Variants in ATG10 observed in about 807,000 individuals in gnomAD.
ATG10 encodes the protein ubiquitin-like-conjugating enzyme ATG10.
In ATG10, 30 loss-of-function variants were observed where a neutral mutation model predicts 32.1. The ratio of observed to expected loss-of-function variants is 0.94; its 90% CI spans 0.70 to 1.27. The LOEUF (loss-of-function observed/expected upper bound fraction) is 1.27, where lower values mean the gene tolerates loss of function less well. Ranked by LOEUF, ATG10 falls within the 50% of genes most tolerant of loss-of-function variation. The pLI is 0.00. For synonymous variants in ATG10, 87 were observed against 91.5 expected, an observed-to-expected ratio of 0.95 and a Z score of 0.28; for missense variants, 233 against 262.3, an observed-to-expected ratio of 0.89 and a Z score of 0.77.
chr5:82,143,627 G>A (rs1767234796), intron 3 of ATG10, among the ~76,000 whole-genome samples: 1 of 152,182 alleles, frequency 6.6e-6, no homozygotes, highest in African/African-American at 2.4e-5. Flanking sequence ...AAGATGAGAG[G>A]CATTATAATA....
intron 2 of ATG10, among the ~76,000 whole-genome samples, chr5:82,044,342 A>G (rs190002050): frequency 2.7e-4 from 41 of 152,230 alleles, no homozygotes; most frequent in African/African-American, 9.9e-4. Flanking sequence ...TTTACCTCCC[A>G]CCAGGCCCCT....
chr5:82,060,644 A>G (rs1055490280), intron 3 of ATG10, among the ~76,000 whole-genome samples: 2 of 152,192 alleles, frequency 1.3e-5, no homozygotes, highest in African/African-American at 2.4e-5. Context: ...CAGGCGGATC[A>G]CCTGAGCTTA....
chr5:82,146,941 T>C (rs1009408090), intron 3 of ATG10, among the ~76,000 whole-genome samples: 4 of 152,206 alleles, frequency 2.6e-5, no homozygotes, highest in Non-Finnish European at 1.5e-5. Context: ...CCTCAACAGA[T>C]TGAGTCACGT....
intron 4 of ATG10, among the ~76,000 whole-genome samples, chr5:82,166,679 G>A (rs1203857630): frequency 1.3e-5 from 2 of 151,524 alleles, no homozygotes; most frequent in Non-Finnish European, 2.9e-5. Context: ...CCCTTCATCT[G>A]TTTGTTAAAC....
chr5:81,987,213 C>G (rs977207476), intron 1 of ATG10, among the ~76,000 whole-genome samples: 1 of 152,162 alleles, frequency 6.6e-6, no homozygotes, highest in Non-Finnish European at 1.5e-5. Context: ...GTCTTGAACT[C>G]CTGGTCTCAA....
intron 4 of ATG10, among the ~76,000 whole-genome samples, chr5:82,174,926 A>G (rs1364215050): frequency 6.6e-6 from 1 of 152,194 alleles, no homozygotes; most frequent in African/African-American, 2.4e-5. Context: ...CAATGGTATT[A>G]TAATTGCTTG....
chr5:82,095,376 T>C (rs976161148), intron 3 of ATG10, among the ~76,000 whole-genome samples: 1 of 152,186 alleles, frequency 6.6e-6, no homozygotes, highest in African/African-American at 2.4e-5. Flanking sequence ...ACAGGTAATA[T>C]AAACACTTGG....
At chr5:82,019,448 A>G (rs956927177) in intron 2 of ATG10, among the ~76,000 whole-genome samples, 4 of 152,138 alleles carry the variant, frequency 2.6e-5, no homozygotes. Context: ...CAAGCTGAAG[A>G]CAAAAGACTC....
chr5:82,064,504 G>T (rs748138416), intron 3 of ATG10, among the ~76,000 whole-genome samples: 1 of 151,974 alleles, frequency 6.6e-6, no homozygotes, highest in Non-Finnish European at 1.5e-5. Flanking sequence ...TGTTTTTATT[G>T]GATGAAATAT....
At chr5:82,049,233 T>C (rs1763323559) in intron 2 of ATG10, among the ~76,000 whole-genome samples, 1 of 151,274 alleles carries the variant, frequency 6.6e-6, no homozygotes, top group African/African-American at 2.4e-5. Context: ...AAATGATGAG[T>C]TCATGTCCTT....
intron 5 of ATG10, among the ~76,000 whole-genome samples, chr5:82,211,263 A>G (rs1745480904): frequency 6.6e-6 from 1 of 152,214 alleles, no homozygotes; most frequent in Non-Finnish European, 1.5e-5. Context: ...ATTATGTAGT[A>G]CACATTTATG....
At chr5:82,099,978 A>ATTTCTTT (rs1405733967) in intron 3 of ATG10, among the ~76,000 whole-genome samples, 1 of 63,712 alleles carries the variant, frequency 1.6e-5, no homozygotes, top group Non-Finnish European at 3.4e-5. Flanking sequence ...GTGATTTCTG[A>ATTTCTTT]TTTCTTTCTT....
intron 3 of ATG10, among the ~76,000 whole-genome samples, chr5:82,062,433 G>T (rs1205404777): frequency 1.3e-5 from 2 of 152,074 alleles, no homozygotes; most frequent in Non-Finnish European, 2.9e-5. Context: ...TTGTTTTGTA[G>T]TTCTCTTCGC....
intron 2 of ATG10, chr5:82,010,066 T>G: frequency 4.3e-6 from 7 of 1,610,002 alleles, no homozygotes; most frequent in Non-Finnish European, 5.1e-6. Flanking sequence ...TCGACGGCAA[T>G]GTCGAAGAAC....
chr5:82,096,644 C>A (rs1471503246), intron 3 of ATG10, among the ~76,000 whole-genome samples: 1 of 152,138 alleles, frequency 6.6e-6, no homozygotes, highest in Non-Finnish European at 1.5e-5. Context: ...TGGGGCCCAT[C>A]TGTCTATAAT....
intron 5 of ATG10, among the ~76,000 whole-genome samples, chr5:82,195,370 G>T (rs1744813781): frequency 1.3e-5 from 2 of 152,170 alleles, no homozygotes; most frequent in Non-Finnish European, 2.9e-5. Flanking sequence ...TCACTGAGAT[G>T]GGAGGTTTTC....
chr5:82,126,924 G>A (rs924769576), intron 3 of ATG10, among the ~76,000 whole-genome samples: 2 of 152,044 alleles, frequency 1.3e-5, no homozygotes, highest in Non-Finnish European at 2.9e-5. Context: ...GCTTTTTTTG[G>A]TTGATAGGCT....
At chr5:82,045,918 A>G (rs1024993988) in intron 2 of ATG10, among the ~76,000 whole-genome samples, 29 of 152,030 alleles carry the variant, frequency 1.9e-4, no homozygotes, top group African/African-American at 6.3e-4. Flanking sequence ...CAATCTCACC[A>G]TATCCAGGCT....
chr5:82,253,547 C>A, intron 7 of ATG10, 118 bp downstream of exon 7: 1 of 680,736 alleles, frequency 1.5e-6, no homozygotes, highest in Non-Finnish European at 2.6e-6. Context: ...CAAACCCTGA[C>A]TTAATTTTTA....
Sources: allele counts gnomAD v4.1 joint callset (sites outside exome capture counted in the v4.1 genomes callset), GRCh38; gene constraint gnomAD v4.1.1; transcripts MANE v1.5; gene names NCBI Gene and HGNC (gene_info 2026-07-23, HGNC 2026-07-21).